The following APP variants were observed in gnomAD, a reference collection of about 807,000 sequenced individuals.
APP encodes the protein amyloid beta precursor protein.
A neutral mutation model predicts 101.4 loss-of-function variants in APP; 31 were observed. That is an observed-to-expected ratio of 0.31 (90% confidence interval 0.23 to 0.41). The LOEUF is 0.41. Ranked by LOEUF, APP falls within the 10% of genes least tolerant of loss-of-function variation. The probability of loss-of-function intolerance (pLI) is 1.00; values close to 1 mark genes in which losing one functional copy is unlikely to be tolerated. For synonymous variants in APP, 366 were observed against 364.4 expected, an observed-to-expected ratio of 1.00 and a Z score of -0.05; for missense variants, 839 against 1,003.7, an observed-to-expected ratio of 0.84 and a Z score of 2.22.
intron 9 of APP, among the ~76,000 whole-genome samples, chr21:25,981,945 A>C (rs2146599546): frequency 6.6e-6 from 1 of 152,340 alleles, no homozygotes; most frequent in Non-Finnish European, 1.5e-5. Context: ...GACTGTAAAC[A>C]ATCGTAGGTT....
intron 15 of APP, among the ~76,000 whole-genome samples, chr21:25,899,810 CT>C (rs2038322137): frequency 6.6e-6 from 1 of 152,166 alleles, no homozygotes; most frequent in Non-Finnish European, 1.5e-5. Flanking sequence ...CAATAGGTAA[CT>C]AATGGGCTAG....
chr21:25,966,040 G>C (rs1254070768), intron 11 of APP, among the ~76,000 whole-genome samples: 1 of 152,146 alleles, frequency 6.6e-6, no homozygotes, highest in African/African-American at 2.4e-5. Flanking sequence ...GCAAAAGACA[G>C]CTTTTAAGCT....
chr21:26,020,644 C>T (rs1391760946), intron 6 of APP, among the ~76,000 whole-genome samples: 1 of 152,086 alleles, frequency 6.6e-6, no homozygotes, highest in African/African-American at 2.4e-5. Context: ...ATTTGCAGTA[C>T]ATTAAAATTC....
At chr21:26,064,978 A>T (rs2046402987) in intron 3 of APP, among the ~76,000 whole-genome samples, 1 of 152,060 alleles carries the variant, frequency 6.6e-6, no homozygotes, top group South Asian at 2.1e-4. Flanking sequence ...CTCAGCCTCC[A>T]AAGTAGCTGG....
At chr21:26,140,079 ACTGT>A (rs2063008046) in intron 1 of APP, 8 of 1,102,392 alleles carry the variant, frequency 7.3e-6, no homozygotes, top group African/African-American at 1.6e-5. Context: ...GAAAGATATT[ACTGT>A]CTGAGAACAG....
chr21:26,148,425 A>G (rs1005303677), intron 1 of APP, among the ~76,000 whole-genome samples: 1 of 152,184 alleles, frequency 6.6e-6, no homozygotes, highest in Non-Finnish European at 1.5e-5. Context: ...TTTTTTCTTC[A>G]GGGTTCACTG....
intron 3 of APP, among the ~76,000 whole-genome samples, chr21:26,063,983 T>C (rs903065988): frequency 6.6e-6 from 1 of 152,242 alleles, no homozygotes; most frequent in African/African-American, 2.4e-5. Context: ...ATGGGCATTT[T>C]ACCTCTGTGG....
chr21:25,905,909 T>G (rs939003519), intron 14 of APP, among the ~76,000 whole-genome samples: 1 of 151,696 alleles, frequency 6.6e-6, no homozygotes, highest in Non-Finnish European at 1.5e-5. Flanking sequence ...GGGACAAAAG[T>G]GAAGTTTTTA....
chr21:26,098,834 C>T (rs531816190), intron 2 of APP, among the ~76,000 whole-genome samples: 4 of 152,100 alleles, frequency 2.6e-5, no homozygotes, highest in African/African-American at 4.8e-5. Flanking sequence ...ATTAACAAAA[C>T]GTCAATGAGT....
intron 5 of APP, among the ~76,000 whole-genome samples, chr21:26,034,865 G>A (rs1601281069): frequency 6.6e-6 from 1 of 152,076 alleles, no homozygotes; most frequent in Non-Finnish European, 1.5e-5. Context: ...TACTCAGAGA[G>A]ATTACATTCT....
chr21:25,973,130 A>G (rs1486073639), intron 11 of APP, among the ~76,000 whole-genome samples: 1 of 151,938 alleles, frequency 6.6e-6, no homozygotes, highest in African/African-American at 2.4e-5. Context: ...AACAAAAGAG[A>G]TAAAATAGAA....
chr21:25,988,924 T>C (rs1568815750), intron 8 of APP, among the ~76,000 whole-genome samples: 1 of 152,114 alleles, frequency 6.6e-6, no homozygotes, highest in Non-Finnish European at 1.5e-5. Context: ...TTAATACTGA[T>C]ACACGCATGC....
At chr21:26,064,610 G>A (rs1301711252) in intron 3 of APP, among the ~76,000 whole-genome samples, 1 of 152,054 alleles carries the variant, frequency 6.6e-6, no homozygotes, top group Non-Finnish European at 1.5e-5. Context: ...TGGTGGGTTG[G>A]ACAGAGGAAC....
In APP at chr21:26,152,302, AAAAAAT is replaced by A. The variant is rs1179650936; in HGVS notation, c.57+18256_57+18261del. Among the ~76,000 whole-genome samples, 878 of 147,474 alleles carry A rather than the reference AAAAAAT, an allele frequency of 6.0e-3. 16 individuals are homozygous for A. The highest frequency in any genetic ancestry group is 0.021 in the African/African-American group (822 of 38,450). On this transcript the variant is annotated intron_variant, in intron 1 of 17. Coordinates refer to ENST00000346798, the MANE Select transcript of APP (RefSeq NM_000484.4). ...TCCATCTCAAAAAAAAAAAAAAAAA[AAAAAAT>A]GGGCCAAGGATCTGAATAGACATTT...
intron 6 of APP, among the ~76,000 whole-genome samples, chr21:26,020,838 T>C (rs1312557201): frequency 6.6e-6 from 1 of 152,210 alleles, no homozygotes; most frequent in African/African-American, 2.4e-5. Context: ...TTTGTTTTTA[T>C]TTCATGGAGA....
At chr21:26,055,940 C>A (rs3991) in intron 3 of APP, among the ~76,000 whole-genome samples, 25,199 of 152,140 alleles carry the variant, frequency 0.17, 2,656 homozygotes, top group Non-Finnish European at 0.24. Flanking sequence ...GTTTTATCTG[C>A]CCTTAGTCAA....
chr21:26,102,695 A>T (rs2062088521), intron 2 of APP, among the ~76,000 whole-genome samples: 1 of 151,942 alleles, frequency 6.6e-6, no homozygotes, highest in African/African-American at 2.4e-5. Context: ...GTTCGAGACC[A>T]GCCTGGCCAA....
intron 1 of APP, among the ~76,000 whole-genome samples, chr21:26,139,626 T>A (rs778380087): frequency 2.6e-5 from 4 of 152,226 alleles, no homozygotes; most frequent in African/African-American, 9.6e-5. Context: ...CAGGGCTCAG[T>A]GGCTCACGCC....
chr21:26,069,187 GC>G (rs1390987786), intron 3 of APP, among the ~76,000 whole-genome samples: 1 of 152,112 alleles, frequency 6.6e-6, no homozygotes, highest in African/African-American at 2.4e-5. Context: ...TAAAAATCAT[GC>G]TTCCACTTTC....
Sources: gnomAD v4.1 joint callset for allele counts (sites outside exome capture counted in the v4.1 genomes callset) on GRCh38, gnomAD v4.1.1 for gene constraint, MANE v1.5 for transcripts, NCBI Gene and HGNC (gene_info 2026-07-23, HGNC 2026-07-21) for gene names.